The following FBXL2 variants were observed in gnomAD, a reference collection of about 807,000 sequenced individuals.
FBXL2 encodes F-box/LRR-repeat protein 2.
A neutral mutation model predicts 69.2 loss-of-function variants in FBXL2; 38 were observed. The observed-to-expected ratio is 0.55, with a 90% CI of 0.42 to 0.72. FBXL2 has a LOEUF of 0.72. Among genes scored for constraint, FBXL2 ranks in the 30% least tolerant of loss-of-function variants. The pLI, the probability that FBXL2 is intolerant of heterozygous loss-of-function variation, is 0.00. For synonymous variants in FBXL2, 192 were observed against 201.3 expected, an observed-to-expected ratio of 0.95 and a Z score of 0.39; for missense variants, 354 against 520.3, an observed-to-expected ratio of 0.68 and a Z score of 3.11.
Position 33,342,681 on chromosome 3 carries a change from C to CATTAGATTCTT in FBXL2, c.66-16285_66-16275dup, listed in dbSNP as rs563178119. Among the ~76,000 whole-genome samples the CATTAGATTCTT allele has an allele frequency of 3.7e-3, 518 of 138,508 alleles. 2 individuals are homozygous for CATTAGATTCTT. Among genetic ancestry groups the CATTAGATTCTT allele is most frequent in the Admixed American group, 0.012 (158 of 13,520 alleles). The allele number at this position is 138,508 out of a possible 152,430, so 90.9% of individuals were successfully genotyped here. The stretch of plus-strand genomic sequence containing the variant: ...AAAATTATTTTGATTTATTTACAGC[C>CATTAGATTCTT]ATTAGATTCTTGCAAAACAAATATA... On this transcript the variant is annotated intron_variant, in intron 2 of 14. Coordinates refer to ENST00000484457, the MANE Select transcript of FBXL2 (RefSeq NM_012157.5).
intron 1 of FBXL2, among the ~76,000 whole-genome samples, chr3:33,277,917 G>A (rs1465660058): frequency 2.0e-5 from 3 of 152,128 alleles, no homozygotes; most frequent in Admixed American, 6.5e-5. Flanking sequence ...CAGTCTATAT[G>A]CCTCCAGTTT....
At chr3:33,399,532 G>A (rs1235160022) in intron 12 of FBXL2, among the ~76,000 whole-genome samples, 1 of 152,108 alleles carries the variant, frequency 6.6e-6, no homozygotes, top group African/African-American at 2.4e-5. Context: ...CGTTATGCTA[G>A]TGAAAAAAAG....
At chr3:33,322,191 C>G (rs937406830) in intron 2 of FBXL2, among the ~76,000 whole-genome samples, 1 of 149,940 alleles carries the variant, frequency 6.7e-6, no homozygotes, top group Admixed American at 6.7e-5. Context: ...CATTCTCCTG[C>G]CTCAGCCTCC....
intron 2 of FBXL2, chr3:33,317,585 A>G (rs936071467): frequency 1.5e-5 from 7 of 452,434 alleles, no homozygotes; most frequent in Admixed American, 1.4e-4. Flanking sequence ...AACAGATATT[A>G]TGAAGCCCGC....
intron 1 of FBXL2, chr3:33,278,043 C>G (rs1169734191): frequency 6.6e-6 from 1 of 152,242 alleles, no homozygotes; most frequent in Non-Finnish European, 1.5e-5. Flanking sequence ...AGAGACCCCT[C>G]CCCTCCTTTC....
At chr3:33,281,567 G>A (rs2034009599) in intron 1 of FBXL2, among the ~76,000 whole-genome samples, 1 of 152,110 alleles carries the variant, frequency 6.6e-6, no homozygotes, top group African/African-American at 2.4e-5. Context: ...CCCAGTAATG[G>A]AATTGCTGGG....
chr3:33,401,770 T>A (rs1252971368), intron 12 of FBXL2, among the ~76,000 whole-genome samples: 1 of 152,156 alleles, frequency 6.6e-6, no homozygotes, highest in African/African-American at 2.4e-5. Flanking sequence ...CACAATAAGT[T>A]CTCCAGTCTA....
intron 1 of FBXL2, among the ~76,000 whole-genome samples, chr3:33,288,610 C>CACT (rs1197178332): frequency 6.6e-6 from 1 of 152,090 alleles, no homozygotes; most frequent in Non-Finnish European, 1.5e-5. Context: ...CAAGAGAGGG[C>CACT]ACTACTCAAA....
downstream of FBXL2, chr3:33,390,635 G>T: frequency 1.9e-6 from 1 of 516,738 alleles, no homozygotes; most frequent in Non-Finnish European, 3.5e-6. Context: ...GGGGGTAGGG[G>T]GACATCTATC....
chr3:33,421,862 G>A, the FBXL2 span, among the ~76,000 whole-genome samples: 1 of 152,132 alleles, frequency 6.6e-6, no homozygotes, highest in East Asian at 1.9e-4. Context: ...TGACCAACAT[G>A]GTAAAACCCC....
At chr3:33,378,604 A>G in intron 12 of FBXL2, 81 bp from the exon 13 acceptor site, 1 of 1,387,912 alleles carries the variant, frequency 7.2e-7, no homozygotes, top group Non-Finnish European at 9.9e-7. Context: ...ACACCTTTTG[A>G]TTCTCGTGTT....
chr3:33,342,220 T>TG (rs1394534441), intron 2 of FBXL2, among the ~76,000 whole-genome samples: 1 of 151,748 alleles, frequency 6.6e-6, no homozygotes, highest in Middle Eastern at 3.2e-3. Context: ...TTAGCCAGGA[T>TG]GGTCTTAATC....
intron 4 of FBXL2, among the ~76,000 whole-genome samples, chr3:33,360,539 C>T (rs926555233): frequency 3.9e-5 from 6 of 152,240 alleles, no homozygotes; most frequent in Admixed American, 1.3e-4. Context: ...CAAGGATTCA[C>T]GCCCATCCTG....
chr3:33,377,234 T>C (rs758229714), intron 10 of FBXL2, 39 bp from the exon 11 acceptor site: 56 of 1,579,218 alleles, frequency 3.5e-5, no homozygotes, highest in Non-Finnish European at 4.9e-5. Flanking sequence ...TATTAACTAG[T>C]TGGTACCGTT....
chr3:33,416,344 G>A, the FBXL2 span, among the ~76,000 whole-genome samples: 2 of 152,126 alleles, frequency 1.3e-5, no homozygotes, highest in Non-Finnish European at 2.9e-5. Flanking sequence ...CCTATACCTA[G>A]GATGACTGAC....
intron 2 of FBXL2, among the ~76,000 whole-genome samples, chr3:33,322,668 A>T (rs2038336948): frequency 6.6e-6 from 1 of 152,170 alleles, no homozygotes; most frequent in Non-Finnish European, 1.5e-5. Flanking sequence ...TTAAAAACAG[A>T]AGTCATGAGC....
the FBXL2 span, chr3:33,411,468 C>A: frequency 2.2e-6 from 2 of 906,606 alleles, no homozygotes; most frequent in Non-Finnish European, 3.5e-6. Context: ...AAAGACACTA[C>A]AACATAGTTT....
chr3:33,334,303 A>C (rs921789856), intron 2 of FBXL2, among the ~76,000 whole-genome samples: 3 of 152,198 alleles, frequency 2.0e-5, no homozygotes, highest in Admixed American at 6.5e-5. Context: ...ATTTACAGGA[A>C]AGATGGATGT....
In FBXL2 at chr3:33,360,917, A is replaced by C. The variant is rs1340356108; in HGVS notation, c.195+1560A>C. 3.6e-5 allele frequency among the ~76,000 whole-genome samples: 4 copies of C among 111,570 alleles called. No individual in the cohort carries two copies. In the South Asian group the frequency reaches 1.1e-3, roughly 31 times the overall value. 73.2% of individuals were successfully genotyped at this position (111,570 alleles called of 152,430 possible). ...AACTTTTTTGGAAAGCACATGAAGA[A>C]CTTTTTTTTTTTTTTTTTTTTTTTT... On this transcript the variant is annotated intron_variant, in intron 4 of 14. Transcript: ENST00000484457.
Sources: allele counts gnomAD v4.1 joint callset (sites outside exome capture counted in the v4.1 genomes callset), GRCh38; gene constraint gnomAD v4.1.1; transcripts MANE v1.5; gene names NCBI Gene and HGNC (gene_info 2026-07-23, HGNC 2026-07-21).